SENP5: variants seen among roughly 807,000 people sequenced by gnomAD.
The protein encoded by SENP5 is sentrin-specific protease 5.
In SENP5, 21 loss-of-function variants were observed where a neutral mutation model predicts 74.2. The ratio of observed to expected loss-of-function variants is 0.28; its 90% CI spans 0.20 to 0.41. SENP5 has a LOEUF of 0.41. Ranked by LOEUF, SENP5 falls within the 10% of genes least tolerant of loss-of-function variation. SENP5 has a pLI of 1.00. For missense variants in SENP5, 717 were observed against 889.1 expected, an observed-to-expected ratio of 0.81 and a Z score of 2.46; for synonymous variants, 311 against 312.7, an observed-to-expected ratio of 0.99 and a Z score of 0.06.
At chr3:196,904,217 C>T (rs1170548314) in intron 6 of SENP5, among the ~76,000 whole-genome samples, 1 of 152,094 alleles carries the variant, frequency 6.6e-6, no homozygotes, top group Non-Finnish European at 1.5e-5. Flanking sequence ...TACAAGGTAA[C>T]TGGGATAGGG....
At chr3:196,917,767 G>A (rs1274691975) in intron 6 of SENP5, among the ~76,000 whole-genome samples, 1 of 152,148 alleles carries the variant, frequency 6.6e-6, no homozygotes, top group Non-Finnish European at 1.5e-5. Flanking sequence ...AAGCTGTGAG[G>A]GATTTTGTCA....
At chr3:196,877,237 G>A (rs2108807936) in intron 1 of SENP5, among the ~76,000 whole-genome samples, 1 of 152,160 alleles carries the variant, frequency 6.6e-6, no homozygotes, top group South Asian at 2.1e-4. Flanking sequence ...AGGCTGGAGT[G>A]CAGTGGCATG....
At chr3:196,929,262 G>T in intron 8 of SENP5, 1 of 214,110 alleles carries the variant, frequency 4.7e-6, no homozygotes. Context: ...CAGCGGAGTT[G>T]TCGCCATCCT....
At chr3:196,927,706 TC>T (rs1715866035) in intron 7 of SENP5, 89 bp from the exon 8 acceptor site, 1 of 698,160 alleles carries the variant, frequency 1.4e-6, no homozygotes, top group Admixed American at 2.3e-5. Context: ...GGCCACAGCC[TC>T]CTCCTTTCCT....
At chr3:196,890,446 C>T (rs562427082) in intron 2 of SENP5, among the ~76,000 whole-genome samples, 2 of 152,222 alleles carry the variant, frequency 1.3e-5, no homozygotes, top group East Asian at 3.9e-4. Flanking sequence ...GTTGCAGTTT[C>T]ATAATTTTAT....
Position 196,888,225 on chromosome 3 carries a change from A to G in SENP5, c.1513+1531A>G, listed in dbSNP as rs1236063641. The stretch of plus-strand genomic sequence containing the variant: ...AGTATAAATTATGGCCCATTCAGGC[A>G]ATAGTTTGCTAGCAGCTGTTTAAGA... On this transcript the variant is annotated intron_variant, in intron 2 of 9. Coordinates refer to ENST00000323460, the MANE Select transcript of SENP5 (RefSeq NM_152699.5). Among the ~76,000 whole-genome samples the G allele has an allele frequency of 2.6e-5, 4 of 152,202 alleles. No individual in the cohort carries two copies. In the East Asian group the frequency reaches 7.7e-4, roughly 29 times the overall value.
chr3:196,920,650 T>G (rs1715579660), intron 6 of SENP5, among the ~76,000 whole-genome samples: 1 of 152,224 alleles, frequency 6.6e-6, no homozygotes, highest in Non-Finnish European at 1.5e-5. Flanking sequence ...GTGTCAGCTG[T>G]AGGCTTTCCT....
chr3:196,910,738 GGA>G (rs1715089631), intron 6 of SENP5, among the ~76,000 whole-genome samples: 1 of 151,940 alleles, frequency 6.6e-6, no homozygotes, highest in Admixed American at 6.6e-5. Context: ...AAATTCATAT[GGA>G]AACAAAAAAG....
At chr3:196,911,377 A>C (rs1715117848) in intron 6 of SENP5, among the ~76,000 whole-genome samples, 1 of 152,124 alleles carries the variant, frequency 6.6e-6, no homozygotes, top group Non-Finnish European at 1.5e-5. Flanking sequence ...AAAATAAACC[A>C]TCAGAAAGTG....
At chr3:196,883,370 G>A (rs748120254) in intron 1 of SENP5, among the ~76,000 whole-genome samples, 4 of 152,092 alleles carry the variant, frequency 2.6e-5, no homozygotes, top group Admixed American at 6.5e-5. Context: ...CCTTCTTGTG[G>A]GTATAGAGCT....
intron 7 of SENP5, among the ~76,000 whole-genome samples, chr3:196,925,978 T>C (rs549008305): frequency 1.3e-5 from 2 of 152,302 alleles, no homozygotes; most frequent in East Asian, 3.9e-4. Flanking sequence ...TAGAAGTGGC[T>C]CTTAACTAAG....
chr3:196,929,530 G>C, intron 8 of SENP5, 103 bp from the exon 9 acceptor site: 5 of 684,034 alleles, frequency 7.3e-6, no homozygotes, highest in Non-Finnish European at 1.3e-5. Context: ...CCTGGAGAGA[G>C]AAAAGTTTCC....
chr3:196,903,359 C>G (rs1363856163), intron 5 of SENP5, among the ~76,000 whole-genome samples, 174 bp from the exon 6 acceptor site: 2 of 152,152 alleles, frequency 1.3e-5, no homozygotes, highest in African/African-American at 2.4e-5. Flanking sequence ...AGGCTGGCCT[C>G]GAACTCCTGA....
intron 6 of SENP5, among the ~76,000 whole-genome samples, chr3:196,918,851 AAAAG>A (rs1381735824): frequency 6.6e-6 from 1 of 151,338 alleles, no homozygotes; most frequent in Non-Finnish European, 1.5e-5. Context: ...AGAAGCCAAA[AAAAG>A]AGAGCAGAGT....
Position 196,890,613 on chromosome 3 carries a change from G to A in SENP5, c.1513+3919G>A, listed in dbSNP as rs1240363748. ...AGCTGCAAAAGATTTGAGGGCGTGC[G>A]TGAAAGTCTAGGACTCTGCACTGAG... On this transcript the variant is annotated intron_variant, in intron 2 of 9. Transcript: ENST00000323460. 2.0e-5 allele frequency among the ~76,000 whole-genome samples: 3 copies of A among 152,302 alleles called. No individual in the cohort carries two copies. In the South Asian group the frequency reaches 6.2e-4, roughly 32 times the overall value.
intron 1 of SENP5, among the ~76,000 whole-genome samples, chr3:196,876,517 CAAA>C (rs11294142): frequency 1.6e-4 from 15 of 95,414 alleles, no homozygotes; most frequent in Admixed American, 2.1e-4. Flanking sequence ...GATTCTGTCT[CAAA>C]AAAAAAAAAA....
At chr3:196,914,586 A>AAATATATATAT in intron 6 of SENP5, 1 of 33,500 alleles carries the variant, frequency 3.0e-5, no homozygotes, top group African/African-American at 1.8e-4. Flanking sequence ...AAAAAAAAAA[A>AAATATATATAT]ATATATATAT....
At chr3:196,868,574 G>C (rs542883998) in intron 1 of SENP5, among the ~76,000 whole-genome samples, 1 of 152,322 alleles carries the variant, frequency 6.6e-6, no homozygotes, top group African/African-American at 2.4e-5. Context: ...ATCAGCCTCC[G>C]CTCTACGCCC....
Position 196,899,709 on chromosome 3 carries a change from A to G in SENP5, c.1557A>G (p.Pro519=), listed in dbSNP as rs1169939962. ...EVMKKYGSLV[P]LSEKEVLGRL... ...TGAAGAAGTATGGCAGTTTGGTTCCACTCAGTGAAAAAGAAGTCCTTGGAA... is the reference window on the plus strand; with the variant it reads ...TGAAGAAGTATGGCAGTTTGGTTCCGCTCAGTGAAAAAGAAGTCCTTGGAA... Residue 519 remains proline (P), a synonymous_variant, in exon 3 of 10, where the codon CCA becomes CCG. Transcript: ENST00000323460. The G allele has an allele frequency of 6.2e-7, 1 of 1,611,424 alleles. No homozygotes were observed. The highest frequency in any genetic ancestry group is 1.7e-5 in the Admixed American group (1 of 59,992).
Sources: gnomAD v4.1 joint callset for allele counts (sites outside exome capture counted in the v4.1 genomes callset) on GRCh38, gnomAD v4.1.1 for gene constraint, MANE v1.5 for transcripts, NCBI Gene and HGNC (gene_info 2026-07-23, HGNC 2026-07-21) for gene names.